The following NPIPA5 variants were observed in gnomAD, a reference collection of about 807,000 sequenced individuals.
NPIPA5 encodes nuclear pore complex-interacting protein family member A5.
In NPIPA5, 6 loss-of-function variants were observed where a neutral mutation model predicts 21.4. That is an observed-to-expected ratio of 0.28 (90% confidence interval 0.15 to 0.55). NPIPA5 has a LOEUF of 0.55. NPIPA5 is among the 20% of genes least tolerant of loss of function. The pLI is 0.93. For missense variants in NPIPA5, 99 were observed against 318.2 expected (o/e 0.31, Z 5.24); for synonymous variants, 33 against 115.3 (o/e 0.29, Z 4.57).
At chr16:15,379,828 C>A (rs1392433984), upstream of NPIPA5, among the ~76,000 whole-genome samples, 2 of 151,796 alleles carry the variant, frequency 1.3e-5, no homozygotes, top group African/African-American at 4.8e-5. Flanking sequence ...ACCTGTAGTC[C>A]CAGCTACTCA....
upstream of NPIPA5, among the ~76,000 whole-genome samples, chr16:15,379,628 C>A (rs1361809072): frequency 6.6e-6 from 1 of 151,402 alleles, no homozygotes; most frequent in Non-Finnish European, 1.5e-5. Context: ...GAATTCAATT[C>A]TTTTTATATG....
chr16:15,374,474 G>T (rs1406235402), intron 1 of NPIPA5, among the ~76,000 whole-genome samples: 1 of 151,442 alleles, frequency 6.6e-6, no homozygotes. Flanking sequence ...GGGATTACAG[G>T]TGTGAGCCAC....
chr16:15,381,140 G>C, upstream of NPIPA5: 1 of 1,508,722 alleles, frequency 6.6e-7, no homozygotes, highest in Non-Finnish European at 8.9e-7. Context: ...ACAAGGTGAT[G>C]TTTGAGTCTA....
At chr16:15,381,087 T>G, upstream of NPIPA5, 3 of 1,538,874 alleles carry the variant, frequency 1.9e-6, no homozygotes, top group Non-Finnish European at 2.6e-6. Context: ...AGTGCCAACC[T>G]ATTAGACAAT....
Position 15,369,130 on chromosome 16 carries a change from C to T in NPIPA5, c.437+582G>A, listed in dbSNP as rs1046989726. On this transcript the variant is annotated intron_variant, in intron 4 of 7. Transcript: ENST00000360151. ...TTGCACCATAGCACTCCAGCCTGGG[C>T]GACAGAGCGAGACTCTATCTCAAAA... is the stretch of plus-strand genomic sequence containing the variant. 4.6e-4 allele frequency among the ~76,000 whole-genome samples: 67 copies of T among 144,834 alleles called. No homozygotes were observed. The East Asian group carries it at 5.7e-3, about 12-fold the overall frequency.
intron 2 of NPIPA5, among the ~76,000 whole-genome samples, chr16:15,372,389 G>T (rs2050180674): frequency 6.8e-6 from 1 of 147,604 alleles, no homozygotes; most frequent in Admixed American, 7.1e-5. Flanking sequence ...AGAGGCTGAG[G>T]CAGGGGAATC....
At chr16:15,368,337 G>T (rs184318196) in intron 4 of NPIPA5, among the ~76,000 whole-genome samples, 2 of 151,866 alleles carry the variant, frequency 1.3e-5, no homozygotes, top group East Asian at 1.9e-4. Flanking sequence ...CTGCACAGAC[G>T]ACCTCAATTG....
At chr16:15,367,462 T>C (rs1328787398) in intron 4 of NPIPA5, among the ~76,000 whole-genome samples, 5 of 152,066 alleles carry the variant, frequency 3.3e-5, no homozygotes, top group Non-Finnish European at 5.9e-5. Context: ...CCATCCACCC[T>C]GGTGTTGACT....
chr16:15,374,359 T>C (rs866214476), intron 1 of NPIPA5, among the ~76,000 whole-genome samples: 59 of 151,526 alleles, frequency 3.9e-4, no homozygotes, highest in East Asian at 3.5e-3. Context: ...CCACCATGCC[T>C]GACTAATTTT....
chr16:15,367,575 C>T lies in NPIPA5; in HGVS notation c.438-815G>A, dbSNP rs147885675. On this transcript the variant is annotated intron_variant, in intron 4 of 7. Coordinates refer to ENST00000360151, the MANE Select transcript of NPIPA5 (RefSeq NM_001277325.2). ...GCCCTCACACCACTTGATTCATGGT[C>T]GTGATCCTAAGGATCTCACCTGATA... is the stretch of plus-strand genomic sequence containing the variant. Among the ~76,000 whole-genome samples, 814 of 151,948 alleles carry T rather than the reference C, an allele frequency of 5.4e-3. 15 individuals carry two copies. The highest frequency in any genetic ancestry group is 0.018 in the African/African-American group (724 of 41,262).
Position 15,372,606 on chromosome 16 carries a change from CT to C in NPIPA5, c.192+1108del, listed in dbSNP as rs987716370. Among the ~76,000 whole-genome samples, 10 of 145,680 alleles carry C rather than the reference CT, an allele frequency of 6.9e-5. 2 individuals are homozygous for C. Among genetic ancestry groups the C allele is most frequent in the Admixed American group, 2.9e-4 (4 of 13,872 alleles). On this transcript the variant is annotated intron_variant, in intron 2 of 7. Coordinates refer to ENST00000360151, the MANE Select transcript of NPIPA5 (RefSeq NM_001277325.2). ...GATATCTTCATAACTCATATATTTT[CT>C]GTTTTCTACATATCTTGAAAGGCAG... is the stretch of plus-strand genomic sequence containing the variant.
rs1336298467 is a variant in NPIPA5, at chr16:15,370,322, G to A, written c.193-203C>T. Reference sequence around the variant, plus strand: ...GGCGCCTGTAATCCAAGCTACTCGGGAGGCTGAGGCAGAGAACCGTTTGAA... The same window carrying A: ...GGCGCCTGTAATCCAAGCTACTCGGAAGGCTGAGGCAGAGAACCGTTTGAA... On this transcript the variant is annotated intron_variant, in intron 2 of 7. Transcript: ENST00000360151. 4.7e-4 allele frequency among the ~76,000 whole-genome samples: 68 copies of A among 145,260 alleles called. 5 individuals carry two copies. In the Admixed American group the frequency reaches 5.0e-3, roughly 11 times the overall value.
chr16:15,374,250 G>T (rs1409221395), intron 1 of NPIPA5, among the ~76,000 whole-genome samples: 2 of 150,574 alleles, frequency 1.3e-5, no homozygotes, highest in East Asian at 3.9e-4. Flanking sequence ...CCAGGCTGGA[G>T]TGCAGTGGTG....
intron 4 of NPIPA5, among the ~76,000 whole-genome samples, chr16:15,369,228 G>T (rs967275878): frequency 6.7e-6 from 1 of 148,838 alleles, no homozygotes; most frequent in Non-Finnish European, 1.5e-5. Context: ...GGCTGAGGCG[G>T]GTGGATTACC....
upstream of NPIPA5, among the ~76,000 whole-genome samples, chr16:15,380,714 CT>C (rs1243138586): frequency 2.0e-5 from 3 of 149,528 alleles, no homozygotes; most frequent in African/African-American, 7.4e-5. Flanking sequence ...GCAATGATTC[CT>C]TTTGAGTTTC....
chr16:15,372,613 C>T (rs1464780401), intron 2 of NPIPA5, among the ~76,000 whole-genome samples: 1 of 145,466 alleles, frequency 6.9e-6, no homozygotes, highest in African/African-American at 2.5e-5. Flanking sequence ...TTTCTGTTTT[C>T]TACATATCTT....
chr16:15,365,940 G>T (rs1598387589), intron 5 of NPIPA5, among the ~76,000 whole-genome samples: 1 of 55,850 alleles, frequency 1.8e-5, no homozygotes, highest in African/African-American at 4.8e-5. Flanking sequence ...GTGGTGGCAG[G>T]CACCTGTAAT....
At chr16:15,374,434 G>A (rs575253312) in intron 1 of NPIPA5, among the ~76,000 whole-genome samples, 5 of 151,830 alleles carry the variant, frequency 3.3e-5, no homozygotes, top group South Asian at 4.2e-4. Flanking sequence ...CCTGACAGGC[G>A]ATCTGCCTGC....
Position 15,363,675 on chromosome 16 carries a change from A to T in NPIPA5, c.1037T>A (p.Ile346Lys). The T allele has an allele frequency of 6.6e-7, 1 of 1,504,740 alleles. No homozygotes were observed. Among genetic ancestry groups the T allele is most frequent in the South Asian group, 1.2e-5 (1 of 86,704 alleles). The allele number at this position is 1,504,740 out of a possible 1,614,324, so 93.2% of individuals were successfully genotyped here. The change falls in exon 8 of 8, where the codon ATA becomes AAA. Residue 346 changes from isoleucine (I) to lysine (K), a missense_variant. Ile to Lys is a moderately radical substitution (Grantham distance 102). Transcript: ENST00000360151. ...CSLPFHPQRM[I>K]ISRN ...TATTCTTCATTAGTTTCTTGAGATT[A>T]TCATCCGCTGAGGGTGGAAGGGGAG... is the stretch of plus-strand genomic sequence containing the variant.
Sources: allele counts gnomAD v4.1 joint callset (sites outside exome capture counted in the v4.1 genomes callset), GRCh38; gene constraint gnomAD v4.1.1; transcripts MANE v1.5; gene names NCBI Gene and HGNC (gene_info 2026-07-23, HGNC 2026-07-21).